PABPC4L: variants seen among roughly 807,000 people sequenced by gnomAD.
PABPC4L encodes the protein poly(A) binding protein cytoplasmic 4 like, also known as polyadenylate-binding protein 4-like.
For synonymous variants in PABPC4L, 169 were observed against 164.1 expected (o/e 1.03, Z -0.23); for missense variants, 452 against 451.4 (o/e 1.00, Z -0.01).
chr4:133,971,929 C>T, the PABPC4L span, among the ~76,000 whole-genome samples: 1 of 152,208 alleles, frequency 6.6e-6, no homozygotes, highest in East Asian at 1.9e-4. Flanking sequence ...AATTTGTGCC[C>T]TTCTCATTCA....
At chr4:134,018,568 G>T in the PABPC4L span, among the ~76,000 whole-genome samples, 1 of 151,992 alleles carries the variant, frequency 6.6e-6, no homozygotes, top group African/African-American at 2.4e-5. Context: ...GTTTTCATAT[G>T]TACTTTCACC....
chr4:134,022,545 G>A, the PABPC4L span, among the ~76,000 whole-genome samples: 4 of 151,886 alleles, frequency 2.6e-5, no homozygotes, highest in African/African-American at 7.3e-5. Context: ...TTTATCAATA[G>A]AGTCCTTTCC....
At chr4:133,948,920 T>C in the PABPC4L span, among the ~76,000 whole-genome samples, 1 of 152,216 alleles carries the variant, frequency 6.6e-6, no homozygotes, top group African/African-American at 2.4e-5. Context: ...AAGGAAGTCA[T>C]GGGACTAGGA....
the PABPC4L span, among the ~76,000 whole-genome samples, chr4:134,038,291 G>T: frequency 6.6e-6 from 1 of 151,934 alleles, no homozygotes; most frequent in African/African-American, 2.4e-5. Flanking sequence ...TCCTTTTTTT[G>T]TTGTGTCTCT....
At chr4:134,039,264 A>C in the PABPC4L span, among the ~76,000 whole-genome samples, 1 of 152,132 alleles carries the variant, frequency 6.6e-6, no homozygotes, top group Admixed American at 6.6e-5. Flanking sequence ...ATTTTAGAAT[A>C]AGTACTATGT....
the PABPC4L span, among the ~76,000 whole-genome samples, chr4:134,001,337 A>C: frequency 2.0e-5 from 3 of 151,906 alleles, no homozygotes; most frequent in Non-Finnish European, 1.5e-5. Flanking sequence ...CTAGGAAGTC[A>C]TATTATACAT....
At chr4:134,051,163 G>A in the PABPC4L span, among the ~76,000 whole-genome samples, 964 of 152,182 alleles carry the variant, frequency 6.3e-3, 12 homozygotes, top group African/African-American at 0.022. Flanking sequence ...CCATAACAGA[G>A]TATCTTTCAT....
chr4:134,009,467 C>T, the PABPC4L span, among the ~76,000 whole-genome samples: 1 of 151,976 alleles, frequency 6.6e-6, no homozygotes, highest in African/African-American at 2.4e-5. Flanking sequence ...ATAATTGTTA[C>T]ATTGAAATTT....
the PABPC4L span, among the ~76,000 whole-genome samples, chr4:133,961,599 G>A: frequency 3.3e-5 from 5 of 152,140 alleles, no homozygotes; most frequent in African/African-American, 7.2e-5. Flanking sequence ...CAATGGCAAC[G>A]CCCTTTGGGT....
chr4:134,169,908 A>AT, the PABPC4L span, among the ~76,000 whole-genome samples: 1 of 152,148 alleles, frequency 6.6e-6, no homozygotes, highest in Admixed American at 6.6e-5. Flanking sequence ...AGGACTAAAT[A>AT]TGCAAGTGTG....
the PABPC4L span, among the ~76,000 whole-genome samples, chr4:134,043,845 A>C: frequency 6.6e-6 from 1 of 152,090 alleles, no homozygotes; most frequent in East Asian, 1.9e-4. Flanking sequence ...AATAAATTCC[A>C]AATAACAATG....
the PABPC4L span, among the ~76,000 whole-genome samples, chr4:134,157,901 A>T: frequency 6.6e-6 from 1 of 151,774 alleles, no homozygotes; most frequent in South Asian, 2.1e-4. Flanking sequence ...CCATTCTCTT[A>T]TATTTTTAAT....
the PABPC4L span, among the ~76,000 whole-genome samples, chr4:134,022,175 ACT>A: frequency 6.6e-6 from 1 of 151,808 alleles, no homozygotes; most frequent in African/African-American, 2.4e-5. Context: ...TCTTTCCCAA[ACT>A]CTATTTATTC....
At position 134,196,429 on chromosome 4, in the gene PABPC4L, AT is replaced by A. The variant is rs1424145950; in HGVS notation, c.*3477del. 6.6e-6 allele frequency: 1 copy of A among 151,752 alleles called. No homozygotes were observed. Among genetic ancestry groups the A allele is most frequent in the African/African-American group, 2.4e-5 (1 of 41,422 alleles). 9.4% of individuals were successfully genotyped at this position (151,752 alleles called of 1,614,324 possible). On this transcript the variant is annotated 3_prime_UTR_variant, in exon 2 of 2. Transcript: ENST00000421491. ...AATGACAATATTAAATCACTTTAAA[AT>A]TTTTATTTTTACCAACTATAAATTC...
At chr4:134,178,731 T>C in the PABPC4L span, among the ~76,000 whole-genome samples, 6 of 152,154 alleles carry the variant, frequency 3.9e-5, no homozygotes, top group South Asian at 6.2e-4. Flanking sequence ...AAAAATACAC[T>C]AGAAAAATTT....
the PABPC4L span, among the ~76,000 whole-genome samples, chr4:134,050,063 A>C: frequency 6.6e-6 from 1 of 152,262 alleles, no homozygotes; most frequent in African/African-American, 2.4e-5. Flanking sequence ...ACTGATGTGC[A>C]CTCTTAAGAC....
the PABPC4L span, among the ~76,000 whole-genome samples, chr4:134,154,632 AT>A: frequency 2.0e-5 from 3 of 151,230 alleles, no homozygotes; most frequent in South Asian, 2.1e-4. Flanking sequence ...GGCTGGTAAG[AT>A]TTTTTTTTCT....
the PABPC4L span, among the ~76,000 whole-genome samples, chr4:133,961,398 A>C: frequency 6.6e-6 from 1 of 152,186 alleles, no homozygotes; most frequent in African/African-American, 2.4e-5. Flanking sequence ...CTAGCTGGGA[A>C]GGTGACTGCA....
chr4:134,117,439 T>C, the PABPC4L span, among the ~76,000 whole-genome samples: 1 of 151,760 alleles, frequency 6.6e-6, no homozygotes, highest in Non-Finnish European at 1.5e-5. Context: ...GCAGCCACCA[T>C]CTTCTCCAAT....
Sources: allele counts gnomAD v4.1 joint callset (sites outside exome capture counted in the v4.1 genomes callset), GRCh38; gene constraint gnomAD v4.1.1; transcripts MANE v1.5; gene names NCBI Gene and HGNC (gene_info 2026-07-23, HGNC 2026-07-21).